Variants in WWOX observed in about 807,000 individuals in gnomAD.
The protein encoded by WWOX is WW domain-containing oxidoreductase.
WWOX carries 69 observed loss-of-function variants against 46.2 expected under a neutral mutation model. The observed-to-expected ratio is 1.49, with a 90% CI of 1.23 to 1.82. WWOX has a LOEUF of 1.82. Ranked by LOEUF, WWOX falls within the 40% of genes most tolerant of loss-of-function variation. WWOX has a pLI of 0.00. For missense variants in WWOX, 919 were observed against 542.6 expected, an observed-to-expected ratio of 1.69 and a Z score of -6.89; for synonymous variants, 359 against 202.6, an observed-to-expected ratio of 1.77 and a Z score of -6.56.
intron 8 of WWOX, among the ~76,000 whole-genome samples, chr16:78,658,507 C>G (rs1456107697): frequency 1.3e-5 from 2 of 152,144 alleles, no homozygotes; most frequent in African/African-American, 4.8e-5. Context: ...AGGCCAGACA[C>G]CTGACATCGA....
intron 8 of WWOX, among the ~76,000 whole-genome samples, chr16:79,127,338 T>C (rs746332903): frequency 1.3e-5 from 2 of 152,174 alleles, no homozygotes; most frequent in African/African-American, 2.4e-5. Context: ...AGGCAATATG[T>C]TTGTATATTC....
chr16:78,947,114 G>A (rs971148421), intron 8 of WWOX, among the ~76,000 whole-genome samples: 5 of 146,362 alleles, frequency 3.4e-5, no homozygotes, highest in Admixed American at 1.4e-4. Context: ...AAAAAAAAAA[G>A]AGGGGGAAAA....
In WWOX at chr16:78,890,002, C is replaced by T. The variant is rs555642094; in HGVS notation, c.1057-321606C>T. 4.8e-4 allele frequency among the ~76,000 whole-genome samples: 73 copies of T among 151,874 alleles called. 3 individuals are homozygous for T. Among genetic ancestry groups the T allele is most frequent in the Middle Eastern group, 3.4e-3 (1 of 294 alleles). ...AATCTCTGTTTTTTTTTCTCTTTCT[C>T]CTAAATGTTAGGAATTTTCTGAAGT... On this transcript the variant is annotated intron_variant, in intron 8 of 8. Transcript: ENST00000566780.
At chr16:78,918,460 T>G (rs1597149493) in intron 8 of WWOX, among the ~76,000 whole-genome samples, 1 of 152,244 alleles carries the variant, frequency 6.6e-6, no homozygotes, top group Admixed American at 6.5e-5. Flanking sequence ...TGTCACTTGG[T>G]TGTTCTCGGT....
At chr16:79,038,630 A>C (rs2047913186) in intron 8 of WWOX, among the ~76,000 whole-genome samples, 1 of 152,104 alleles carries the variant, frequency 6.6e-6, no homozygotes, top group African/African-American at 2.4e-5. Flanking sequence ...GCTCACTGCA[A>C]TGTCTGCCTC....
In WWOX at chr16:78,805,292, G is replaced by A. The variant is rs113581613; in HGVS notation, c.1056+372540G>A. Among the ~76,000 whole-genome samples the A allele has an allele frequency of 8.7e-3, 1,324 of 152,188 alleles. 24 individuals are homozygous for A. Among genetic ancestry groups the A allele is most frequent in the African/African-American group, 0.03 (1,260 of 41,516 alleles). The stretch of plus-strand genomic sequence containing the variant: ...TTTAGAGACGGAGTCTCACCCTGTC[G>A]CCCAGGCTCGAGTGCAGTGGCGCCA... On this transcript the variant is annotated intron_variant, in intron 8 of 8. Transcript: ENST00000566780.
intron 8 of WWOX, among the ~76,000 whole-genome samples, chr16:78,850,599 C>G (rs116982517): frequency 0.016 from 2,445 of 152,222 alleles, 22 homozygotes; most frequent in Middle Eastern, 0.031. Flanking sequence ...CCTTGGAGTT[C>G]CACTGCTACT....
Position 78,498,680 on chromosome 16 carries a change from G to A in WWOX, c.1056+65928G>A, listed in dbSNP as rs1046311531. 6.6e-5 allele frequency among the ~76,000 whole-genome samples: 10 copies of A among 152,176 alleles called. No individual in the cohort carries two copies. The East Asian group carries it at 7.7e-4, about 12-fold the overall frequency. On this transcript the variant is annotated intron_variant, in intron 8 of 8. Coordinates refer to ENST00000566780, the MANE Select transcript of WWOX (RefSeq NM_016373.4). ...GAGAGCAGCGGCATTTACTTAGGCCGATTCCCCATTCTCTCTTTCTGTTTT... is the reference window on the plus strand; with the variant it reads ...GAGAGCAGCGGCATTTACTTAGGCCAATTCCCCATTCTCTCTTTCTGTTTT...
chr16:78,530,145 G>A (rs367832524), intron 8 of WWOX, among the ~76,000 whole-genome samples: 81 of 152,290 alleles, frequency 5.3e-4, no homozygotes, highest in African/African-American at 1.8e-3. Context: ...AATGAACTCT[G>A]TACTGGCCCT....
chr16:78,209,753 A>C (rs2036500863), intron 5 of WWOX, among the ~76,000 whole-genome samples: 1 of 150,996 alleles, frequency 6.6e-6, no homozygotes, highest in Admixed American at 6.6e-5. Context: ...AAAAAAAAAA[A>C]AGAAACCTTG....
At chr16:79,197,384 G>A (rs139531948) in intron 8 of WWOX, among the ~76,000 whole-genome samples, 232 of 152,254 alleles carry the variant, frequency 1.5e-3, no homozygotes, top group African/African-American at 5.4e-3. Flanking sequence ...TCCCAACTCT[G>A]CATTCAGTTT....
At chr16:78,633,557 C>T (rs1196715032) in intron 8 of WWOX, among the ~76,000 whole-genome samples, 9 of 152,192 alleles carry the variant, frequency 5.9e-5, no homozygotes, top group African/African-American at 7.2e-5. Context: ...TTTCACTGTG[C>T]GGGTTTCTGA....
At chr16:78,432,374 C>G in intron 7 of WWOX, 114 bp from the exon 8 acceptor site, 3 of 1,412,368 alleles carry the variant, frequency 2.1e-6, no homozygotes, top group South Asian at 1.2e-5. Context: ...CCAAAGTGCT[C>G]GGATTACAGA....
Position 78,422,503 on chromosome 16 carries a change from C to T in WWOX, c.606-2367C>T, listed in dbSNP as rs1489116133. ...GGGACTACAGCCACACACCACCACA[C>T]CTGGCTCACTTTCGGGTGGTTGTTG... On this transcript the variant is annotated intron_variant, in intron 6 of 8. Transcript: ENST00000566780. 2.7e-5 allele frequency among the ~76,000 whole-genome samples: 4 copies of T among 150,304 alleles called. No homozygotes were observed. The Admixed American group carries it at 2.7e-4, about 10-fold the overall frequency.
chr16:78,760,676 C>T (rs562288530), intron 8 of WWOX, among the ~76,000 whole-genome samples: 4 of 152,202 alleles, frequency 2.6e-5, no homozygotes, highest in African/African-American at 9.6e-5. Context: ...GACGGCTTGT[C>T]TCAAGCTGCT....
At chr16:78,344,129 C>T (rs13339050) in intron 5 of WWOX, among the ~76,000 whole-genome samples, 1 of 106,326 alleles carries the variant, frequency 9.4e-6, no homozygotes, top group African/African-American at 3.2e-5. Context: ...GGTGAAGGTG[C>T]GTAATTAGTG....
At chr16:78,556,843 C>T (rs148224019) in intron 8 of WWOX, among the ~76,000 whole-genome samples, 168 of 152,140 alleles carry the variant, frequency 1.1e-3, no homozygotes, top group African/African-American at 4.0e-3. Context: ...CTCAGCCTCC[C>T]AAGTAACTGG....
chr16:78,964,173 G>C (rs1161196385), intron 8 of WWOX, among the ~76,000 whole-genome samples: 1 of 152,212 alleles, frequency 6.6e-6, no homozygotes, highest in Non-Finnish European at 1.5e-5. Context: ...ATCTGAAAAT[G>C]TGGAAGTGAC....
At chr16:78,628,669 C>T (rs1026085540) in intron 8 of WWOX, among the ~76,000 whole-genome samples, 2 of 151,956 alleles carry the variant, frequency 1.3e-5, no homozygotes, top group Non-Finnish European at 2.9e-5. Context: ...AAATAAACAC[C>T]ATGGTCACTC....
Sources: gnomAD v4.1 joint callset for allele counts (sites outside exome capture counted in the v4.1 genomes callset) on GRCh38, gnomAD v4.1.1 for gene constraint, MANE v1.5 for transcripts, NCBI Gene and HGNC (gene_info 2026-07-23, HGNC 2026-07-21) for gene names.